The following ZNF652 variants were observed in gnomAD, a reference collection of about 807,000 sequenced individuals.
The protein encoded by ZNF652 is zinc finger protein 652.
A neutral mutation model predicts 45.2 loss-of-function variants in ZNF652; 16 were observed. That is an observed-to-expected ratio of 0.35 (90% CI 0.24 to 0.54). The LOEUF (loss-of-function observed/expected upper bound fraction) is 0.54, where lower values mean the gene tolerates loss of function less well. ZNF652 is among the 20% of genes least tolerant of loss of function. The pLI, the probability that ZNF652 is intolerant of heterozygous loss-of-function variation, is 0.91. For synonymous variants in ZNF652, 250 were observed against 260.6 expected, an observed-to-expected ratio of 0.96 and a Z score of 0.39; for missense variants, 614 against 765.6, an observed-to-expected ratio of 0.80 and a Z score of 2.34.
chr17:49,312,775 T>A lies in ZNF652; in HGVS notation c.971A>T (p.Tyr324Phe). 1 of 1,614,172 alleles carries A rather than the reference T, an allele frequency of 6.2e-7. No individual in the cohort carries two copies. The highest frequency in any genetic ancestry group is 2.2e-5 in the East Asian group (1 of 44,882). The change falls in exon 3 of 6, where the codon TAT becomes TTT. Residue 324 changes from tyrosine (Y) to phenylalanine (F), a missense_variant. By Grantham distance (22) the Tyr-to-Phe change is conservative. Around this residue, in one of 5 missense-constraint regions of ZNF652, gnomAD observed 262 missense variants for 306.3 expected, o/e 0.86. Coordinates refer to ENST00000430262, the MANE Select transcript of ZNF652 (RefSeq NM_001145365.3). ...LHEHIKIVHGYAEKKFSCEIC... is the reference protein window; with the variant it reads ...LHEHIKIVHGFAEKKFSCEIC... ...TTCACAGGAAAATTTCTTTTCTGCA[T>A]ATCCATGGACGATCTTGATATGTTC...
At chr17:49,347,882 CT>C (rs2070223545) in intron 1 of ZNF652, among the ~76,000 whole-genome samples, 1 of 151,566 alleles carries the variant, frequency 6.6e-6, no homozygotes, top group Non-Finnish European at 1.5e-5. Flanking sequence ...ATAGCTGGGA[CT>C]AGAGGTGTGC....
intron 3 of ZNF652, 86 bp from the exon 4 acceptor site, chr17:49,312,128 C>T (rs2069720906): frequency 4.0e-6 from 3 of 747,092 alleles, no homozygotes; most frequent in Non-Finnish European, 6.5e-6. Flanking sequence ...AGCAATTAGG[C>T]CATCCTAATT....
Position 49,298,376 on chromosome 17 carries a change from G to T in ZNF652, c.*37C>A. 6.2e-7 allele frequency: 1 copy of T among 1,610,368 alleles called. No homozygotes were observed. Among genetic ancestry groups the T allele is most frequent in the Non-Finnish European group, 8.5e-7 (1 of 1,178,974 alleles). On this transcript the variant is annotated 3_prime_UTR_variant, in exon 6 of 6. Transcript: ENST00000430262. ...CCCTCTGTGCACGCTCACACATGGG[G>T]ACGTGTCTCCTGGAGAACACACTAA... is the stretch of plus-strand genomic sequence containing the variant.
In ZNF652 at chr17:49,316,865, C is replaced by T; in HGVS notation, c.861G>A (p.Leu287=). 1 of 1,613,986 alleles carries T rather than the reference C, an allele frequency of 6.2e-7. No homozygotes were observed. The change falls in exon 2 of 6, where the codon CTG becomes CTA. Residue 287 remains leucine, a synonymous_variant. Transcript: ENST00000430262. ...CACAGTCTGTTTGCTGGTGAAGGGA[C>T]AGCTCACTTTCCAGGACAAACTTCT... ...CGKKFVLESE[L]SLHQQTDCEK...
intron 5 of ZNF652, among the ~76,000 whole-genome samples, chr17:49,309,272 A>G (rs905753619): frequency 7.1e-6 from 1 of 141,802 alleles, no homozygotes; most frequent in African/African-American, 2.6e-5. Context: ...CAGGTGGATC[A>G]TTTGAGGTCA....
chr17:49,300,482 C>T (rs971769827), intron 5 of ZNF652, among the ~76,000 whole-genome samples: 2 of 152,112 alleles, frequency 1.3e-5, no homozygotes, highest in Non-Finnish European at 2.9e-5. Context: ...GAACTTATTG[C>T]TTAGTTCCAT....
At chr17:49,304,437 T>C (rs2069599592) in intron 5 of ZNF652, among the ~76,000 whole-genome samples, 1 of 152,260 alleles carries the variant, frequency 6.6e-6, no homozygotes, top group African/African-American at 2.4e-5. Context: ...CCTAAATGTG[T>C]TTAATGGTTG....
At chr17:49,349,442 T>C (rs2070247030) in intron 1 of ZNF652, among the ~76,000 whole-genome samples, 2 of 152,112 alleles carry the variant, frequency 1.3e-5, no homozygotes, top group African/African-American at 4.8e-5. Flanking sequence ...TGCAGTGAGT[T>C]TGGATGCCAT....
intron 1 of ZNF652, among the ~76,000 whole-genome samples, chr17:49,354,549 T>C (rs1353639802): frequency 6.7e-6 from 1 of 149,448 alleles, no homozygotes; most frequent in Non-Finnish European, 1.5e-5. Flanking sequence ...AGGCAGAGGC[T>C]GCAGTGAGCC....
At chr17:49,345,437 A>T (rs929928588) in intron 1 of ZNF652, among the ~76,000 whole-genome samples, 2 of 151,266 alleles carry the variant, frequency 1.3e-5, no homozygotes, top group Non-Finnish European at 3.0e-5. Flanking sequence ...CCTGATCTAA[A>T]GTGATATGCC....
chr17:49,288,562 C>T (rs989769764), downstream of ZNF652: 2 of 152,064 alleles, frequency 1.3e-5, no homozygotes, highest in Non-Finnish European at 2.9e-5. Context: ...GTATAAGGGC[C>T]CACACCACCT....
chr17:49,330,064 TAGG>T (rs1258778123), intron 1 of ZNF652, among the ~76,000 whole-genome samples: 2 of 152,188 alleles, frequency 1.3e-5, no homozygotes, highest in East Asian at 3.9e-4. Flanking sequence ...CATCTACAGA[TAGG>T]AGAATATAAC....
rs775915775 is a variant in ZNF652 at position 49,298,688 on chromosome 17, C to A, written c.1546G>T (p.Val516Phe). The A allele has an allele frequency of 8.7e-6, 14 of 1,613,818 alleles. No homozygotes were observed. In the East Asian group the frequency reaches 2.2e-4, roughly 26 times the overall value. The change falls in exon 6 of 6, where the codon GTT becomes TTT. Residue 516 changes from valine to phenylalanine, a missense_variant. Physicochemically the swap from Val to Phe is conservative, Grantham distance 50. This residue lies in a region of ZNF652 where 132 missense variants were observed against 137.2 expected (regional missense o/e 0.96). Transcript: ENST00000430262. The part of the protein sequence containing the change: ...IPLTTSPATP[V>F]PSVVNTATTP... ...GTGGCTGTGTTCACCACAGAAGGAA[C>A]TGGGGTGGCTGGGGAAGTTGTAAGT...
intron 1 of ZNF652, among the ~76,000 whole-genome samples, chr17:49,343,653 AT>A (rs1377314208): frequency 2.6e-5 from 4 of 152,066 alleles, no homozygotes; most frequent in Admixed American, 2.0e-4. Context: ...TTAAAAAAAA[AT>A]AACTTTTTTT....
chr17:49,345,675 A>G (rs1159832803), intron 1 of ZNF652, among the ~76,000 whole-genome samples: 1 of 150,508 alleles, frequency 6.6e-6, no homozygotes, highest in African/African-American at 2.4e-5. Context: ...CCCTGTCTCT[A>G]CTAAAAATAC....
At chr17:49,350,272 C>T (rs1464843323) in intron 1 of ZNF652, among the ~76,000 whole-genome samples, 1 of 151,988 alleles carries the variant, frequency 6.6e-6, no homozygotes, top group Non-Finnish European at 1.5e-5. Flanking sequence ...GGGCAGGTGG[C>T]TCATGCCTGT....
At chr17:49,312,310 C>T (rs1400689887) in intron 3 of ZNF652, among the ~76,000 whole-genome samples, 1 of 151,822 alleles carries the variant, frequency 6.6e-6, no homozygotes, top group Non-Finnish European at 1.5e-5. Context: ...GGATTACAGG[C>T]ATGCGCCACC....
intron 5 of ZNF652, 82 bp downstream of exon 5, chr17:49,311,230 G>C (rs2069707028): frequency 7.0e-7 from 1 of 1,433,244 alleles, no homozygotes; most frequent in South Asian, 1.5e-5. Flanking sequence ...TTGTGGTTTT[G>C]ATTTTTTTAA....
At chr17:49,288,835 A>T (rs768045845), downstream of ZNF652, among the ~76,000 whole-genome samples, 2 of 152,188 alleles carry the variant, frequency 1.3e-5, no homozygotes, top group Non-Finnish European at 2.9e-5. Context: ...AGCTGTTTCC[A>T]TCTGTGTTGA....
Sources: gnomAD v4.1 joint callset for allele counts (sites outside exome capture counted in the v4.1 genomes callset) on GRCh38, gnomAD v4.1.1 for gene constraint, gnomAD v4.1.1 regional missense constraint, MANE v1.5 for transcripts, NCBI Gene and HGNC (gene_info 2026-07-23, HGNC 2026-07-21) for gene names.